Variants in DPY19L4 observed in about 807,000 individuals in gnomAD.
DPY19L4 encodes dpy-19 like 4.
In DPY19L4, 97 loss-of-function variants were observed where a neutral mutation model predicts 102.8. The observed-to-expected ratio is 0.94, with a 90% CI of 0.80 to 1.12. DPY19L4 has a LOEUF of 1.12. Among genes scored for constraint, DPY19L4 ranks in the 50% most tolerant of loss-of-function variants. The pLI is 0.00. For synonymous variants in DPY19L4, 252 were observed against 283.1 expected, an observed-to-expected ratio of 0.89 and a Z score of 1.10; for missense variants, 815 against 850.4, an observed-to-expected ratio of 0.96 and a Z score of 0.52.
intron 14 of DPY19L4, among the ~76,000 whole-genome samples, chr8:94,778,624 G>T (rs1290975510): frequency 6.6e-6 from 1 of 151,688 alleles, no homozygotes; most frequent in Non-Finnish European, 1.5e-5. Flanking sequence ...ATAGGGTGCT[G>T]TTAGAACATA....
intron 6 of DPY19L4, among the ~76,000 whole-genome samples, chr8:94,748,836 T>C (rs1208804453): frequency 6.6e-6 from 1 of 152,184 alleles, no homozygotes; most frequent in East Asian, 1.9e-4. Context: ...TAATGCCTGA[T>C]GATCTGAGGT....
intron 6 of DPY19L4, among the ~76,000 whole-genome samples, chr8:94,740,379 T>G (rs1436490466): frequency 6.6e-6 from 1 of 152,200 alleles, no homozygotes; most frequent in East Asian, 1.9e-4. Context: ...TGTATGCATC[T>G]GTGTATTTGT....
chr8:94,741,650 A>C (rs1045942459), intron 6 of DPY19L4, among the ~76,000 whole-genome samples: 11 of 152,144 alleles, frequency 7.2e-5, no homozygotes, highest in African/African-American at 2.7e-4. Context: ...GATTCATTTT[A>C]ATTGATTTCA....
intron 6 of DPY19L4, among the ~76,000 whole-genome samples, chr8:94,739,997 G>C (rs1345162020): frequency 2.6e-5 from 4 of 152,170 alleles, no homozygotes; most frequent in African/African-American, 9.7e-5. Context: ...CTAATCACGT[G>C]AGCCCTTAAA....
intron 8 of DPY19L4, among the ~76,000 whole-genome samples, chr8:94,764,679 GTC>G (rs1208229588): frequency 2.0e-3 from 203 of 101,540 alleles, no homozygotes; most frequent in Non-Finnish European, 2.7e-3. Flanking sequence ...GTGTGTGTGT[GTC>G]TGTGTGTGTA....
intron 1 of DPY19L4, among the ~76,000 whole-genome samples, chr8:94,722,973 T>A (rs1041148014): frequency 6.6e-6 from 1 of 152,234 alleles, no homozygotes; most frequent in African/African-American, 2.4e-5. Flanking sequence ...AAGAAAGAAG[T>A]GACAACCTTG....
At chr8:94,763,275 TTA>T (rs1554593852) in intron 8 of DPY19L4, among the ~76,000 whole-genome samples, 2 of 147,054 alleles carry the variant, frequency 1.4e-5, no homozygotes, top group African/African-American at 5.2e-5. Context: ...TTTTTTTTTT[TTA>T]AATGGCTCTG....
At chr8:94,760,470 G>A (rs1411373457) in intron 7 of DPY19L4, among the ~76,000 whole-genome samples, 2 of 152,144 alleles carry the variant, frequency 1.3e-5, no homozygotes, top group Non-Finnish European at 2.9e-5. Context: ...GGTGTTATTT[G>A]CCCAACAGGT....
At chr8:94,740,560 T>C (rs1811399972) in intron 6 of DPY19L4, among the ~76,000 whole-genome samples, 1 of 152,032 alleles carries the variant, frequency 6.6e-6, no homozygotes, top group African/African-American at 2.4e-5. Flanking sequence ...GTTCACACCA[T>C]TCTCCTGCCT....
chr8:94,734,884 G>A (rs546009387), intron 3 of DPY19L4, 130 bp downstream of exon 3: 200 of 1,260,022 alleles, frequency 1.6e-4, no homozygotes, highest in Admixed American at 3.0e-4. Flanking sequence ...GCTGTTTTGA[G>A]AATATAGTTA....
intron 2 of DPY19L4, 65 bp downstream of exon 2, chr8:94,726,506 A>G: frequency 3.1e-6 from 4 of 1,291,754 alleles, no homozygotes; most frequent in South Asian, 1.4e-5. Context: ...AGTATATTTT[A>G]TGTCAATATT....
At chr8:94,771,057 G>A (rs2130904254) in intron 13 of DPY19L4, among the ~76,000 whole-genome samples, 1 of 152,080 alleles carries the variant, frequency 6.6e-6, no homozygotes, top group South Asian at 2.1e-4. Context: ...CGGGATTACA[G>A]GCGTGCGCCA....
Position 94,739,700 on chromosome 8 carries a change from T to C in DPY19L4, c.521T>C (p.Ile174Thr). 4.3e-6 allele frequency: 7 copies of C among 1,614,052 alleles called. No individual in the cohort carries two copies. The highest frequency in any genetic ancestry group is 4.2e-6 in the Non-Finnish European group (5 of 1,180,030). Residue 174 changes from isoleucine (I) to threonine (T), a missense_variant, in exon 6 of 19, where the codon ATA becomes ACA. Ile to Thr is a moderately conservative substitution (Grantham distance 89, BLOSUM62 -1). Coordinates refer to ENST00000414645, the MANE Select transcript of DPY19L4 (RefSeq NM_181787.3). ...GGCATTGTTTTTGGATTGCAAGGAA[T>C]ATATGTTACTGCTTTATTTGTTACA... ...YIGIVFGLQGIYVTALFVTSW... is the reference protein window; with the variant it reads ...YIGIVFGLQGTYVTALFVTSW...
intron 14 of DPY19L4, 25 bp downstream of exon 14, chr8:94,777,811 C>G (rs764852290): frequency 1.3e-6 from 2 of 1,592,648 alleles, no homozygotes; most frequent in Non-Finnish European, 1.7e-6. Flanking sequence ...TGCATTGTTT[C>G]TCTTCTAATT....
intron 12 of DPY19L4, among the ~76,000 whole-genome samples, chr8:94,770,167 G>C (rs1421069399): frequency 1.3e-5 from 2 of 152,092 alleles, no homozygotes; most frequent in African/African-American, 4.8e-5. Flanking sequence ...GATTACAGGC[G>C]TAAGTCACTG....
Position 94,756,116 on chromosome 8 carries a change from C to T in DPY19L4, c.692C>T (p.Ala231Val). Residue 231 changes from alanine to valine, a missense_variant, in exon 7 of 19, where the codon GCA (alanine) becomes GTA (valine). Coordinates refer to ENST00000414645, the MANE Select transcript of DPY19L4 (RefSeq NM_181787.3). ...ALPYFACQIAALTGYLKSNLN... is the reference protein window; with the variant it reads ...ALPYFACQIAVLTGYLKSNLN... ...CCATATTTTGCATGCCAAATTGCTG[C>T]ACTTACAGGCTATTTAAAAAGCAAC... 1 of 1,613,776 alleles carries T rather than the reference C, an allele frequency of 6.2e-7. No individual in the cohort carries two copies. Among genetic ancestry groups the T allele is most frequent in the Non-Finnish European group, 8.5e-7 (1 of 1,179,880 alleles).
chr8:94,729,999 T>C (rs1810874724), intron 2 of DPY19L4, among the ~76,000 whole-genome samples: 1 of 151,940 alleles, frequency 6.6e-6, no homozygotes, highest in African/African-American at 2.4e-5. Flanking sequence ...CAAAACTGCA[T>C]CCATAATTTC....
chr8:94,784,521 C>G (rs1447485651), intron 17 of DPY19L4, among the ~76,000 whole-genome samples: 2 of 152,024 alleles, frequency 1.3e-5, no homozygotes, highest in Non-Finnish European at 2.9e-5. Flanking sequence ...CTCCACCTCC[C>G]GGGTTCAAGT....
At chr8:94,776,026 C>CT (rs1165180641) in intron 13 of DPY19L4, among the ~76,000 whole-genome samples, 3,303 of 81,546 alleles carry the variant, frequency 0.041, 168 homozygotes, top group African/African-American at 0.065. Flanking sequence ...ATTTTTAAAT[C>CT]TTTTTTTTTT....
Sources: allele counts gnomAD v4.1 joint callset (sites outside exome capture counted in the v4.1 genomes callset), GRCh38; gene constraint gnomAD v4.1.1; transcripts MANE v1.5; gene names NCBI Gene and HGNC (gene_info 2026-07-23, HGNC 2026-07-21).